The following DOCK8 variants were observed in gnomAD, a reference collection of about 807,000 sequenced individuals.
The protein encoded by DOCK8 is dedicator of cytokinesis 8.
Under a neutral mutation model 245.6 loss-of-function variants are expected in DOCK8, and 141 were observed. The ratio of observed to expected loss-of-function variants is 0.57; its 90% CI spans 0.50 to 0.66. The LOEUF (loss-of-function observed/expected upper bound fraction) is 0.66, where lower values mean the gene tolerates loss of function less well. Among genes scored for constraint, DOCK8 ranks in the 30% least tolerant of loss-of-function variants. The pLI is 0.00. For missense variants in DOCK8, 2,965 were observed against 2,603.4 expected (o/e 1.14, Z -3.02); for synonymous variants, 1,168 against 970.2 (o/e 1.20, Z -3.79).
chr9:220,618 C>T (rs942541488), intron 1 of DOCK8: 1 of 284,800 alleles, frequency 3.5e-6, no homozygotes, highest in African/African-American at 2.3e-5. Flanking sequence ...TAGTTTTTTT[C>T]AGTGGCAGGT....
intron 5 of DOCK8, among the ~76,000 whole-genome samples, chr9:307,216 A>G (rs1314073484): frequency 6.6e-6 from 1 of 152,308 alleles, no homozygotes; most frequent in East Asian, 1.9e-4. Flanking sequence ...AGAACAAGGC[A>G]TAAAAGGGTG....
chr9:265,841 T>C (rs538550436), intron 1 of DOCK8, among the ~76,000 whole-genome samples: 2 of 152,262 alleles, frequency 1.3e-5, no homozygotes, highest in African/African-American at 4.8e-5. Context: ...CTCAGGACTA[T>C]ACAGCCCAGC....
In DOCK8 at chr9:432,283, G is replaced by C. The variant is rs1314792940; in HGVS notation, c.4744G>C (p.Glu1582Gln). The C allele has an allele frequency of 3.7e-6, 6 of 1,613,958 alleles. No homozygotes were observed. The highest frequency in any genetic ancestry group is 4.2e-6 in the Non-Finnish European group (5 of 1,180,026). ...RSLRTILAYS[E>Q]EDTAMQMTPF... ...CTTGAGGACAATTTTGGCCTATTCA[G>C]AAGAGGACACAGCCATGCAGATGAC... Residue 1582 changes from glutamate to glutamine, a missense_variant, in exon 37 of 48, where the codon GAA (glutamate) becomes CAA (glutamine). Physicochemically the swap from Glu to Gln is conservative, Grantham distance 29. Transcript: ENST00000432829.
intron 29 of DOCK8, among the ~76,000 whole-genome samples, chr9:416,159 T>C (rs1049395855): frequency 2.0e-5 from 3 of 152,168 alleles, no homozygotes; most frequent in East Asian, 1.9e-4. Context: ...AAGGAAATGA[T>C]AGAAACAAGC....
chr9:386,511 C>G, intron 23 of DOCK8, 85 bp downstream of exon 23: 10 of 1,168,424 alleles, frequency 8.6e-6, no homozygotes, highest in Non-Finnish European at 1.3e-5. Context: ...TGGGAATAGT[C>G]AAAGTGCTCC....
At chr9:428,239 C>T (rs2056571078) in intron 34 of DOCK8, 123 bp from the exon 35 acceptor site, 2 of 1,496,438 alleles carry the variant, frequency 1.3e-6, no homozygotes, top group Admixed American at 1.8e-5. Flanking sequence ...CATGGTGGCT[C>T]ACCAAACTCT....
At chr9:306,341 T>C (rs2130619625) in intron 5 of DOCK8, among the ~76,000 whole-genome samples, 1 of 152,336 alleles carries the variant, frequency 6.6e-6, no homozygotes, top group African/African-American at 2.4e-5. Flanking sequence ...AGGGATAGAA[T>C]ACCTGGATGC....
chr9:253,504 C>A (rs1259933122), intron 1 of DOCK8, among the ~76,000 whole-genome samples: 1 of 152,308 alleles, frequency 6.6e-6, no homozygotes, highest in South Asian at 2.1e-4. Context: ...CTTAAGCAGT[C>A]CCTTAACTTC....
intron 1 of DOCK8, among the ~76,000 whole-genome samples, chr9:238,491 G>A (rs1459521759): frequency 5.9e-5 from 9 of 152,158 alleles, no homozygotes; most frequent in Admixed American, 2.6e-4. Flanking sequence ...AATAGGAGAT[G>A]GAGAAATGTT....
At chr9:308,452 A>G (rs1346351365) in intron 5 of DOCK8, among the ~76,000 whole-genome samples, 1 of 152,244 alleles carries the variant, frequency 6.6e-6, no homozygotes, top group African/African-American at 2.4e-5. Flanking sequence ...CAATGTTTTC[A>G]ATTCCACTCT....
At chr9:378,611 C>A (rs763243400) in intron 20 of DOCK8, among the ~76,000 whole-genome samples, 17 of 152,222 alleles carry the variant, frequency 1.1e-4, no homozygotes, top group South Asian at 4.1e-4. Flanking sequence ...TCTGTGCCCC[C>A]GCATATGTGG....
intron 6 of DOCK8, among the ~76,000 whole-genome samples, chr9:313,274 G>C (rs548080885): frequency 8.5e-5 from 13 of 152,210 alleles, no homozygotes; most frequent in Non-Finnish European, 1.6e-4. Flanking sequence ...CGCTTCTGCT[G>C]AGATAATACA....
At chr9:407,222 C>T (rs2055474268) in intron 28 of DOCK8, among the ~76,000 whole-genome samples, 153 bp downstream of exon 28, 1 of 152,024 alleles carries the variant, frequency 6.6e-6, no homozygotes, top group Admixed American at 6.5e-5. Context: ...AATATGGTAC[C>T]CATAAGCACA....
intron 28 of DOCK8, among the ~76,000 whole-genome samples, chr9:413,813 C>T (rs1046973810): frequency 6.6e-6 from 1 of 152,190 alleles, no homozygotes; most frequent in African/African-American, 2.4e-5. Context: ...AATTGTGCAG[C>T]CACCGTTGAA....
At chr9:359,192 A>G (rs570024561) in intron 14 of DOCK8, among the ~76,000 whole-genome samples, 1 of 152,338 alleles carries the variant, frequency 6.6e-6, no homozygotes, top group East Asian at 1.9e-4. Flanking sequence ...CTCATAGTTT[A>G]TTTGGAGTAA....
At chr9:315,376 T>C (rs746807800) in intron 6 of DOCK8, among the ~76,000 whole-genome samples, 1 of 152,204 alleles carries the variant, frequency 6.6e-6, no homozygotes, top group Non-Finnish European at 1.5e-5. Context: ...AGGAAATTCA[T>C]ATAGCTTAGA....
intron 2 of DOCK8, among the ~76,000 whole-genome samples, chr9:276,539 A>C (rs928544278): frequency 6.6e-6 from 1 of 152,136 alleles, no homozygotes; most frequent in Non-Finnish European, 1.5e-5. Context: ...CCATCATTTG[A>C]AGTTGGTTTT....
At chr9:449,964 T>C in intron 45 of DOCK8, 37 bp downstream of exon 45, 1 of 1,610,412 alleles carries the variant, frequency 6.2e-7, no homozygotes, top group South Asian at 1.1e-5. Context: ...CTCTGGTTCT[T>C]ATTATTTAGG....
At chr9:355,203 T>C (rs1361265618) in intron 14 of DOCK8, among the ~76,000 whole-genome samples, 52,216 of 128,502 alleles carry the variant, frequency 0.41, 13,991 homozygotes, top group East Asian at 0.73. Flanking sequence ...TTTTTTTTTT[T>C]TTTTTTTTTT....
Sources: gnomAD v4.1 joint callset for allele counts (sites outside exome capture counted in the v4.1 genomes callset) on GRCh38, gnomAD v4.1.1 for gene constraint, MANE v1.5 for transcripts, NCBI Gene and HGNC (gene_info 2026-07-23, HGNC 2026-07-21) for gene names.